The following SLC18B1 variants were observed in gnomAD, a reference collection of about 807,000 sequenced individuals.
SLC18B1 encodes solute carrier family 18 member B1.
SLC18B1 carries 62 observed loss-of-function variants against 53.9 expected under a neutral mutation model. The ratio of observed to expected loss-of-function variants is 1.15; its 90% CI spans 0.94 to 1.42. SLC18B1 has a LOEUF of 1.42. Ranked by LOEUF, SLC18B1 falls within the 40% of genes most tolerant of loss-of-function variation. The pLI is 0.00. For synonymous variants in SLC18B1, 217 were observed against 200.9 expected, an observed-to-expected ratio of 1.08 and a Z score of -0.68; for missense variants, 598 against 547.3, an observed-to-expected ratio of 1.09 and a Z score of -0.93.
intron 5 of SLC18B1, among the ~76,000 whole-genome samples, chr6:132,785,897 C>CAAAAAAAA (rs71545048): frequency 1.1e-3 from 88 of 81,112 alleles, no homozygotes; most frequent in African/African-American, 2.7e-3. Context: ...CCTGTCTCTA[C>CAAAAAAAA]AAAAAAAAAA....
chr6:132,792,288 A>AAAGGAAGG (rs1167820594), intron 2 of SLC18B1, among the ~76,000 whole-genome samples: 40 of 39,902 alleles, frequency 1.0e-3, no homozygotes, highest in South Asian at 1.8e-3. Flanking sequence ...AGAAAGGAAG[A>AAAGGAAGG]AAGGAAGGAA....
chr6:132,788,025 G>T (rs1224360620), intron 4 of SLC18B1, among the ~76,000 whole-genome samples: 1 of 152,002 alleles, frequency 6.6e-6, no homozygotes, highest in East Asian at 1.9e-4. Flanking sequence ...GCCAGGTGTG[G>T]TGGTGGCCAC....
At position 132,776,344 on chromosome 6, in the gene SLC18B1, A is replaced by T. The variant is rs1378553511; in HGVS notation, c.881T>A (p.Leu294Gln). Reference protein sequence around the residue: ...YAISSPLFGLLSDKRPPLRKW... With the variant: ...YAISSPLFGLQSDKRPPLRKW... ...TGTACGTACTGGCCTTTTATCACTTAGGAGACCAAATAGTGGTGAAGAGAT... is the reference window on the plus strand; with the variant it reads ...TGTACGTACTGGCCTTTTATCACTTTGGAGACCAAATAGTGGTGAAGAGAT... The change falls in exon 8 of 14, where the codon CTA becomes CAA. Residue 294 changes from leucine (L) to glutamine (Q), a missense_variant. Physicochemically the swap from Leu to Gln is moderately radical, Grantham distance 113. Coordinates refer to ENST00000275227, the MANE Select transcript of SLC18B1 (RefSeq NM_052831.3). 6.2e-7 allele frequency: 1 copy of T among 1,613,306 alleles called. No individual in the cohort carries two copies. The highest frequency in any genetic ancestry group is 1.1e-5 in the South Asian group (1 of 90,902).
intron 5 of SLC18B1, among the ~76,000 whole-genome samples, chr6:132,785,115 C>T (rs1210399953): frequency 6.9e-6 from 1 of 144,364 alleles, no homozygotes; most frequent in South Asian, 2.2e-4. Context: ...CTCTCTCTCT[C>T]TCAGTGTGTG....
At chr6:132,797,513 G>A (rs1460089532) in intron 1 of SLC18B1, among the ~76,000 whole-genome samples, 1 of 152,156 alleles carries the variant, frequency 6.6e-6, no homozygotes, top group African/African-American at 2.4e-5. Context: ...CAGGAGAATG[G>A]CGTGAACCCG....
At chr6:132,774,136 C>T in intron 9 of SLC18B1, 86 bp downstream of exon 9, 2 of 797,212 alleles carry the variant, frequency 2.5e-6, no homozygotes, top group Non-Finnish European at 4.0e-6. Context: ...GTTCAAAATA[C>T]TAAACTATAC....
intron 4 of SLC18B1, among the ~76,000 whole-genome samples, chr6:132,788,184 A>G (rs1177462205): frequency 1.3e-5 from 2 of 151,708 alleles, no homozygotes; most frequent in South Asian, 4.2e-4. Context: ...AGAAAAAAAA[A>G]AAAAGAAAAA....
chr6:132,773,654 T>G lies in SLC18B1; in HGVS notation c.990-566A>C, dbSNP rs193279653. Among the ~76,000 whole-genome samples, 324 of 152,344 alleles carry G rather than the reference T, an allele frequency of 2.1e-3. 3 individuals are homozygous for G. Among genetic ancestry groups the G allele is most frequent in the African/African-American group, 7.4e-3 (308 of 41,576 alleles). On this transcript the variant is annotated intron_variant, in intron 9 of 13. Coordinates refer to ENST00000275227, the MANE Select transcript of SLC18B1 (RefSeq NM_052831.3). ...GTTAAGTGGTTTGCTTATTAGTACA[T>G]GGCAAAGCCAAAATGTAAACTCAGG... is the stretch of plus-strand genomic sequence containing the variant.
intron 6 of SLC18B1, among the ~76,000 whole-genome samples, chr6:132,780,389 A>G (rs1781204234): frequency 6.6e-6 from 1 of 152,100 alleles, no homozygotes; most frequent in African/African-American, 2.4e-5. Flanking sequence ...TTTGATGGCC[A>G]TGATGGCCCT....
chr6:132,772,087 C>T (rs774054373), intron 11 of SLC18B1, 45 bp downstream of exon 11: 5 of 1,296,066 alleles, frequency 3.9e-6, no homozygotes, highest in Non-Finnish European at 5.3e-6. Flanking sequence ...AGTGAAACTC[C>T]ATCTCAAAAA....
At chr6:132,796,849 G>T in intron 2 of SLC18B1, 133 bp downstream of exon 2, 1 of 881,296 alleles carries the variant, frequency 1.1e-6, no homozygotes. Context: ...TCTATTGGCT[G>T]GAGTTCTATA....
At chr6:132,798,360 A>T (rs1582878600) in intron 1 of SLC18B1, 54 bp downstream of exon 1, 2 of 1,486,902 alleles carry the variant, frequency 1.3e-6, no homozygotes. Flanking sequence ...CTAAAGAGAC[A>T]CGCCGGAAGC....
intron 7 of SLC18B1, among the ~76,000 whole-genome samples, chr6:132,778,702 A>T (rs1781155202): frequency 6.6e-6 from 1 of 152,220 alleles, no homozygotes; most frequent in Non-Finnish European, 1.5e-5. Context: ...TCACTGTGTC[A>T]GTAATAATAT....
At chr6:132,780,195 T>C (rs1781198303) in intron 6 of SLC18B1, among the ~76,000 whole-genome samples, 1 of 152,012 alleles carries the variant, frequency 6.6e-6, no homozygotes, top group South Asian at 2.1e-4. Context: ...AACTCCTGCG[T>C]GCTCAAGTGA....
intron 4 of SLC18B1, among the ~76,000 whole-genome samples, chr6:132,788,759 G>A (rs1036605158): frequency 6.7e-6 from 1 of 149,922 alleles, no homozygotes; most frequent in Admixed American, 6.7e-5. Context: ...GGAGGTGGAG[G>A]TTGCAGTGAG....
At chr6:132,781,790 A>T (rs1432156598) in intron 6 of SLC18B1, among the ~76,000 whole-genome samples, 1 of 151,812 alleles carries the variant, frequency 6.6e-6, no homozygotes, top group African/African-American at 2.4e-5. Flanking sequence ...GAAAAGAAAA[A>T]GAAAAACCTC....
intron 7 of SLC18B1, among the ~76,000 whole-genome samples, chr6:132,777,913 G>A (rs995591590): frequency 3.3e-5 from 5 of 152,190 alleles, no homozygotes; most frequent in African/African-American, 1.2e-4. Context: ...ACACGCGTCC[G>A]TGTAAACAGA....
rs1033757289 is a variant in SLC18B1, at chr6:132,797,010, G to C, written c.155C>G (p.Ser52Cys). The C allele has an allele frequency of 6.2e-7, 1 of 1,614,118 alleles. No homozygotes were observed. The highest frequency in any genetic ancestry group is 1.7e-5 in the Admixed American group (1 of 60,020). Residue 52 changes from serine to cysteine, a missense_variant, in exon 2 of 14, where the codon TCT becomes TGT. Transcript: ENST00000275227. ...SVNLGSMMCY[S>C]ILGPFFPKEA... ...TTTGGGGAAAAACGGTCCAAGTATA[G>C]AATAGCACATCATGGAACCTAAGTT...
chr6:132,791,222 A>G (rs940014998), intron 2 of SLC18B1, among the ~76,000 whole-genome samples: 6 of 152,194 alleles, frequency 3.9e-5, no homozygotes, highest in African/African-American at 1.2e-4. Flanking sequence ...GAGGCATTGT[A>G]CCAGCAGTGA....
Sources: allele counts gnomAD v4.1 joint callset (sites outside exome capture counted in the v4.1 genomes callset), GRCh38; gene constraint gnomAD v4.1.1; transcripts MANE v1.5; gene names NCBI Gene and HGNC (gene_info 2026-07-23, HGNC 2026-07-21).